Variants in ABCA13 observed in about 807,000 individuals in gnomAD.
ABCA13 encodes the protein ATP binding cassette subfamily A member 13.
In ABCA13, 476 loss-of-function variants were observed where a neutral mutation model predicts 478.7. The observed-to-expected ratio is 0.99, with a 90% CI of 0.92 to 1.07. ABCA13 has a LOEUF of 1.07. Among genes scored for constraint, ABCA13 ranks in the 50% least tolerant of loss-of-function variants. The probability of loss-of-function intolerance (pLI) is 0.00; values close to 1 mark genes in which losing one functional copy is unlikely to be tolerated. For synonymous variants in ABCA13, 2,252 were observed against 2,158.9 expected, an observed-to-expected ratio of 1.04 and a Z score of -1.20; for missense variants, 6,060 against 5,910.6, an observed-to-expected ratio of 1.03 and a Z score of -0.83.
chr7:48,510,955 A>T, intron 50 of ABCA13, 129 bp from the exon 51 acceptor site: 1 of 741,656 alleles, frequency 1.3e-6, no homozygotes, highest in Non-Finnish European at 2.2e-6. Flanking sequence ...TTCCACGGCT[A>T]CAGAACTCCT....
intron 55 of ABCA13, among the ~76,000 whole-genome samples, chr7:48,541,366 G>A (rs2131129833): frequency 6.6e-6 from 1 of 152,154 alleles, no homozygotes; most frequent in African/African-American, 2.4e-5. Context: ...TGAAATTATT[G>A]AAATTTGTGG....
At chr7:48,367,703 G>A in intron 31 of ABCA13, 91 bp from the exon 32 acceptor site, 1 of 995,552 alleles carries the variant, frequency 1.0e-6, no homozygotes. Flanking sequence ...TATCACTCCT[G>A]AAAGAGCTTT....
At chr7:48,593,935 G>A (rs1365318787) in intron 57 of ABCA13, among the ~76,000 whole-genome samples, 1 of 152,026 alleles carries the variant, frequency 6.6e-6, no homozygotes. Flanking sequence ...TAGCCTTGTG[G>A]ATGTATGTCA....
chr7:48,446,698 G>T (rs1824353063), intron 42 of ABCA13, among the ~76,000 whole-genome samples: 2 of 137,036 alleles, frequency 1.5e-5, no homozygotes, highest in Non-Finnish European at 3.2e-5. Context: ...AATTTTTTGG[G>T]TGTCTCCAGG....
chr7:48,293,972 C>A (rs12673367), intron 20 of ABCA13, among the ~76,000 whole-genome samples: 37,178 of 152,052 alleles, frequency 0.24, 5,480 homozygotes, highest in East Asian at 0.44. Context: ...CAGAGCACGG[C>A]AAATCCCGGT....
Position 48,449,654 on chromosome 7 carries a change from A to T in ABCA13, c.12566-5383A>T, listed in dbSNP as rs149712153. 6.2e-3 allele frequency among the ~76,000 whole-genome samples: 946 copies of T among 152,264 alleles called. 41 individuals carry two copies. The highest frequency in any genetic ancestry group is 0.057 in the Admixed American group (871 of 15,306). On this transcript the variant is annotated intron_variant, in intron 42 of 61. Coordinates refer to ENST00000435803, the MANE Select transcript of ABCA13 (RefSeq NM_152701.5). ...AATTAGAAGTATATTTCCCAAGGAA[A>T]CCTGTAGCACTGTTAAGGTTTCCAT...
intron 48 of ABCA13, among the ~76,000 whole-genome samples, chr7:48,501,142 A>G (rs1295642253): frequency 6.6e-6 from 1 of 152,090 alleles, no homozygotes; most frequent in Non-Finnish European, 1.5e-5. Context: ...TTGTCTTATA[A>G]AAGCTGGTGG....
At chr7:48,407,855 T>C (rs559020540) in intron 39 of ABCA13, among the ~76,000 whole-genome samples, 3 of 152,144 alleles carry the variant, frequency 2.0e-5, no homozygotes, top group Non-Finnish European at 4.4e-5. Context: ...CATTATATTA[T>C]TAATAGGTAT....
chr7:48,395,049 G>A (rs1816647435), intron 38 of ABCA13, among the ~76,000 whole-genome samples: 1 of 152,232 alleles, frequency 6.6e-6, no homozygotes, highest in Non-Finnish European at 1.5e-5. Context: ...GTTACAGCAT[G>A]TGCAGCTTAG....
At chr7:48,181,413 T>C (rs903460788) in intron 1 of ABCA13, among the ~76,000 whole-genome samples, 2 of 152,198 alleles carry the variant, frequency 1.3e-5, no homozygotes, top group South Asian at 2.1e-4. Flanking sequence ...CTTTGAAATA[T>C]GTCTTTTGTA....
At chr7:48,420,165 A>G (rs1374621166) in intron 41 of ABCA13, among the ~76,000 whole-genome samples, 1 of 152,188 alleles carries the variant, frequency 6.6e-6, no homozygotes, top group Non-Finnish European at 1.5e-5. Context: ...CCTGCCAATT[A>G]ACTCTCCAGT....
At chr7:48,337,607 C>T (rs1157284721) in intron 28 of ABCA13, among the ~76,000 whole-genome samples, 1 of 152,206 alleles carries the variant, frequency 6.6e-6, no homozygotes, top group Non-Finnish European at 1.5e-5. Flanking sequence ...TACAAATATT[C>T]TCCAAGAAAT....
chr7:48,260,169 G>C (rs1793977115), intron 15 of ABCA13, among the ~76,000 whole-genome samples: 1 of 152,012 alleles, frequency 6.6e-6, no homozygotes, highest in South Asian at 2.1e-4. Flanking sequence ...GCAGTCATGT[G>C]GAGGAAAGAA....
intron 54 of ABCA13, among the ~76,000 whole-genome samples, chr7:48,525,098 C>T (rs1489414904): frequency 3.3e-5 from 5 of 152,112 alleles, no homozygotes; most frequent in Admixed American, 2.0e-4. Context: ...TGATTGGTAT[C>T]TATATTCTAC....
intron 7 of ABCA13, among the ~76,000 whole-genome samples, chr7:48,230,728 C>A (rs1202654026): frequency 6.6e-6 from 1 of 151,820 alleles, no homozygotes; most frequent in African/African-American, 2.4e-5. Context: ...TCCATCTATT[C>A]ATCCATTAAT....
chr7:48,231,807 G>A (rs1278002955), intron 7 of ABCA13, among the ~76,000 whole-genome samples: 2 of 152,044 alleles, frequency 1.3e-5, no homozygotes, highest in African/African-American at 2.4e-5. Context: ...GACTACAGGC[G>A]TGCATCACCA....
chr7:48,643,234 C>A, intron 59 of ABCA13, 54 bp from the exon 60 acceptor site: 1 of 1,153,208 alleles, frequency 8.7e-7, no homozygotes, highest in Non-Finnish European at 1.2e-6. Context: ...TTAGAATTTA[C>A]TCATCTTAGG....
Position 48,544,960 on chromosome 7 carries a change from G to A in ABCA13, c.14354+16615G>A, listed in dbSNP as rs546422766. Among the ~76,000 whole-genome samples the A allele has an allele frequency of 7.5e-4, 114 of 152,046 alleles. 1 individual carries two copies. The highest frequency in any genetic ancestry group is 2.6e-3 in the African/African-American group (107 of 41,554). ...GCTGGTGTCTGCTGCAGAAATGATT[G>A]CTTGATTGTTGGTGGGGAGAAATCC... On this transcript the variant is annotated intron_variant, in intron 55 of 61. Coordinates refer to ENST00000435803, the MANE Select transcript of ABCA13 (RefSeq NM_152701.5).
intron 42 of ABCA13, among the ~76,000 whole-genome samples, chr7:48,432,869 T>C (rs1274708817): frequency 2.0e-5 from 3 of 152,062 alleles, no homozygotes; most frequent in East Asian, 3.9e-4. Flanking sequence ...TTCAGTTATA[T>C]AGGAGAAATA....
Sources: allele counts gnomAD v4.1 joint callset (sites outside exome capture counted in the v4.1 genomes callset), GRCh38; gene constraint gnomAD v4.1.1; transcripts MANE v1.5; gene names NCBI Gene and HGNC (gene_info 2026-07-23, HGNC 2026-07-21).